Variants in ME1 observed in about 807,000 individuals in gnomAD.
The protein encoded by ME1 is NADP-dependent malic enzyme.
ME1 carries 74 observed loss-of-function variants against 66.4 expected under a neutral mutation model. The ratio of observed to expected loss-of-function variants is 1.11; its 90% CI spans 0.92 to 1.35. The LOEUF (loss-of-function observed/expected upper bound fraction) is 1.35. ME1 is among the 40% of genes most tolerant of loss of function. ME1 has a pLI of 0.00. For missense variants in ME1, 750 were observed against 694.1 expected (o/e 1.08, Z -0.90); for synonymous variants, 251 against 235.6 (o/e 1.07, Z -0.60).
chr6:83,272,416 G>A (rs977027493), intron 6 of ME1, among the ~76,000 whole-genome samples: 1 of 152,146 alleles, frequency 6.6e-6, no homozygotes, highest in Non-Finnish European at 1.5e-5. Flanking sequence ...GATAATTTGT[G>A]TGTAACATAC....
At chr6:83,373,592 A>C (rs1214813677) in intron 3 of ME1, among the ~76,000 whole-genome samples, 1 of 152,182 alleles carries the variant, frequency 6.6e-6, no homozygotes, top group Non-Finnish European at 1.5e-5. Flanking sequence ...TAATTTGTTA[A>C]ATTTATTTTA....
chr6:83,245,340 GA>G (rs1790598195), intron 7 of ME1, among the ~76,000 whole-genome samples: 1 of 152,106 alleles, frequency 6.6e-6, no homozygotes, highest in African/African-American at 2.4e-5. Context: ...GAAGTTACAG[GA>G]AAACAAGCCA....
chr6:83,410,276 A>G (rs1770026005), intron 1 of ME1, among the ~76,000 whole-genome samples: 1 of 152,194 alleles, frequency 6.6e-6, no homozygotes, highest in African/African-American at 2.4e-5. Flanking sequence ...GAAAATTTAG[A>G]ATTCATAGAA....
chr6:83,330,239 A>G (rs1430311880), intron 5 of ME1, among the ~76,000 whole-genome samples: 2 of 152,180 alleles, frequency 1.3e-5, no homozygotes, highest in African/African-American at 4.8e-5. Context: ...TCAATTTATA[A>G]TCTACAGAAA....
intron 6 of ME1, among the ~76,000 whole-genome samples, chr6:83,255,377 C>T (rs1432511863): frequency 6.6e-6 from 1 of 151,776 alleles, no homozygotes; most frequent in Non-Finnish European, 1.5e-5. Context: ...ATTATTTAGA[C>T]AGTGTTCCTA....
intron 6 of ME1, among the ~76,000 whole-genome samples, chr6:83,308,456 T>C (rs1171175267): frequency 1.3e-5 from 2 of 149,668 alleles, no homozygotes; most frequent in Middle Eastern, 3.2e-3. Flanking sequence ...TTCTATTAAT[T>C]TTCAGGGGCA....
intron 1 of ME1, among the ~76,000 whole-genome samples, chr6:83,429,760 T>C (rs1336209259): frequency 6.6e-6 from 1 of 152,198 alleles, no homozygotes; most frequent in Admixed American, 6.5e-5. Flanking sequence ...AAGTCATTAA[T>C]ATGATCAACA....
chr6:83,317,590 C>T (rs1170331), intron 5 of ME1, among the ~76,000 whole-genome samples: 49,810 of 150,806 alleles, frequency 0.33, 8,503 homozygotes, highest in Middle Eastern at 0.49. Flanking sequence ...TTTCTAGATA[C>T]ACAATCATGT....
intron 3 of ME1, among the ~76,000 whole-genome samples, chr6:83,365,822 A>G (rs533070849): frequency 6.6e-5 from 10 of 152,150 alleles, no homozygotes; most frequent in Non-Finnish European, 1.3e-4. Context: ...TTCCATCTGT[A>G]TCCCAGTTAT....
intron 6 of ME1, among the ~76,000 whole-genome samples, chr6:83,261,575 G>C (rs1022074247): frequency 6.6e-6 from 1 of 151,962 alleles, no homozygotes; most frequent in African/African-American, 2.4e-5. Flanking sequence ...AAAGCAAGGA[G>C]GTAAAGGGAA....
chr6:83,277,019 G>A (rs1251624717), intron 6 of ME1, among the ~76,000 whole-genome samples: 1 of 152,184 alleles, frequency 6.6e-6, no homozygotes, highest in African/African-American at 2.4e-5. Flanking sequence ...TTAGCATATT[G>A]TCTTAAGACA....
At chr6:83,219,829 C>A (rs974189018) in intron 12 of ME1, among the ~76,000 whole-genome samples, 5 of 150,894 alleles carry the variant, frequency 3.3e-5, no homozygotes, top group Admixed American at 2.0e-4. Flanking sequence ...CTCAAGCGAT[C>A]CACCTACCTC....
At chr6:83,270,102 G>T (rs895258492) in intron 6 of ME1, among the ~76,000 whole-genome samples, 2 of 151,986 alleles carry the variant, frequency 1.3e-5, no homozygotes, top group Non-Finnish European at 2.9e-5. Context: ...ATCAAAAAAT[G>T]GTGCTGCAGC....
At chr6:83,392,412 C>T (rs1769639274) in intron 3 of ME1, 2 of 493,202 alleles carry the variant, frequency 4.1e-6, no homozygotes, top group African/African-American at 2.3e-5. Flanking sequence ...ATCCCTGAGA[C>T]ACCATGGTGA....
chr6:83,315,004 G>C lies in ME1; in HGVS notation c.704+306C>G, dbSNP rs187189589. 5.3e-5 allele frequency among the ~76,000 whole-genome samples: 8 copies of C among 152,216 alleles called. No homozygotes were observed. The East Asian group carries it at 1.2e-3, about 22-fold the overall frequency. On this transcript the variant is annotated intron_variant, in intron 6 of 13. Transcript: ENST00000369705. ...ATTGTCGATAAATGTAAAAAGGTTT[G>C]CAGGTAATTTAGTCACTGGTCACTG...
At chr6:83,415,385 C>T (rs1770140948) in intron 1 of ME1, among the ~76,000 whole-genome samples, 2 of 152,278 alleles carry the variant, frequency 1.3e-5, no homozygotes, top group South Asian at 4.1e-4. Flanking sequence ...TCCCATAGTT[C>T]ATTGTTTCTG....
chr6:83,388,126 C>T (rs1769549801), intron 3 of ME1, among the ~76,000 whole-genome samples: 1 of 140,182 alleles, frequency 7.1e-6, no homozygotes, highest in Non-Finnish European at 1.5e-5. Flanking sequence ...CTCTGTCCCA[C>T]AGGCTAGAAA....
At chr6:83,345,527 T>C (rs1306163727) in intron 5 of ME1, among the ~76,000 whole-genome samples, 1 of 152,216 alleles carries the variant, frequency 6.6e-6, no homozygotes. Context: ...GTCAAGGTCT[T>C]ATTTGATGAT....
chr6:83,285,959 A>T (rs1767389099), intron 6 of ME1, among the ~76,000 whole-genome samples: 1 of 152,208 alleles, frequency 6.6e-6, no homozygotes, highest in South Asian at 2.1e-4. Flanking sequence ...TTCAGCCAAA[A>T]GCATACAGTC....
Sources: allele counts gnomAD v4.1 joint callset (sites outside exome capture counted in the v4.1 genomes callset), GRCh38; gene constraint gnomAD v4.1.1; transcripts MANE v1.5; gene names NCBI Gene and HGNC (gene_info 2026-07-23, HGNC 2026-07-21).